Variants in SLC30A7 observed in about 807,000 individuals in gnomAD.
SLC30A7 encodes solute carrier family 30 member 7.
In SLC30A7, 35 loss-of-function variants were observed where a neutral mutation model predicts 46.0. That is an observed-to-expected ratio of 0.76 (90% confidence interval 0.58 to 1.01). SLC30A7 has a LOEUF of 1.01. Among genes scored for constraint, SLC30A7 ranks in the 50% least tolerant of loss-of-function variants. The pLI is 0.00. For missense variants in SLC30A7, 464 were observed against 451.1 expected, an observed-to-expected ratio of 1.03 and a Z score of -0.26; for synonymous variants, 147 against 157.8, an observed-to-expected ratio of 0.93 and a Z score of 0.51.
At chr1:100,949,522 T>C (rs1654843010) in intron 8 of SLC30A7, among the ~76,000 whole-genome samples, 1 of 152,168 alleles carries the variant, frequency 6.6e-6, no homozygotes, top group Admixed American at 6.5e-5. Context: ...AACACCATGC[T>C]AGGAGAACCA....
At chr1:100,959,159 T>A (rs1558004854) in intron 8 of SLC30A7, among the ~76,000 whole-genome samples, 1 of 152,118 alleles carries the variant, frequency 6.6e-6, no homozygotes, top group Non-Finnish European at 1.5e-5. Flanking sequence ...AGGGGCCAGA[T>A]CCAAAAATAT....
chr1:100,925,256 G>A (rs1653220264), intron 8 of SLC30A7, among the ~76,000 whole-genome samples: 1 of 152,268 alleles, frequency 6.6e-6, no homozygotes, highest in Non-Finnish European at 1.5e-5. Flanking sequence ...CAGCATGGCT[G>A]AAGCATAGGG....
intron 8 of SLC30A7, among the ~76,000 whole-genome samples, chr1:100,948,315 G>A (rs1654761626): frequency 6.6e-6 from 1 of 152,218 alleles, no homozygotes; most frequent in Non-Finnish European, 1.5e-5. Flanking sequence ...TAGTTTGGCT[G>A]GATATGAAAT....
At chr1:100,966,225 A>C (rs960003607) in intron 10 of SLC30A7, among the ~76,000 whole-genome samples, 6 of 136,974 alleles carry the variant, frequency 4.4e-5, no homozygotes, top group Non-Finnish European at 7.6e-5. Context: ...ACCCTGTCTC[A>C]AAAAAAAAAA....
rs1295831987 is a variant in SLC30A7, at chr1:100,978,606, T to C, written c.*3749T>C. The C allele has an allele frequency of 6.6e-6, 1 of 152,188 alleles. No homozygotes were observed. Among genetic ancestry groups the C allele is most frequent in the Non-Finnish European group, 1.5e-5 (1 of 68,034 alleles). The allele number at this position is 152,188 out of a possible 1,614,324, so 9.4% of individuals were successfully genotyped here. ...GCCAAAAAGATTCAGATCTTCTGAC[T>C]CGAAGTTGAGAGTTCTTTATACTCT... On this transcript the variant is annotated 3_prime_UTR_variant, in exon 11 of 11. Coordinates refer to ENST00000357650, the MANE Select transcript of SLC30A7 (RefSeq NM_133496.5).
intron 6 of SLC30A7, among the ~76,000 whole-genome samples, chr1:100,915,682 G>C (rs1652496885): frequency 6.6e-6 from 1 of 152,184 alleles, no homozygotes; most frequent in African/African-American, 2.4e-5. Flanking sequence ...TTCATCTGTT[G>C]ATGGACATTT....
At chr1:100,906,690 G>A (rs559708246) in intron 2 of SLC30A7, among the ~76,000 whole-genome samples, 162 bp from the exon 3 acceptor site, 1 of 152,232 alleles carries the variant, frequency 6.6e-6, no homozygotes, top group East Asian at 1.9e-4. Flanking sequence ...TTACTTTTTA[G>A]ATATTTAAAA....
chr1:100,916,375 C>G (rs1268608597), intron 6 of SLC30A7, among the ~76,000 whole-genome samples: 1 of 151,882 alleles, frequency 6.6e-6, no homozygotes, highest in Non-Finnish European at 1.5e-5. Context: ...TTAGTAGAGA[C>G]GAGGTTTCAC....
intron 8 of SLC30A7, among the ~76,000 whole-genome samples, chr1:100,960,811 A>AT (rs1655493212): frequency 6.6e-6 from 1 of 152,124 alleles, no homozygotes; most frequent in Non-Finnish European, 1.5e-5. Context: ...CTTTTTGGAC[A>AT]TTCCCTCAAA....
At chr1:100,995,091 T>C in the SLC30A7 span, 2 of 1,545,282 alleles carry the variant, frequency 1.3e-6, no homozygotes, top group Non-Finnish European at 8.9e-7. Context: ...ATGTATGCAT[T>C]CTCAGAATAA....
the SLC30A7 span, chr1:100,995,284 C>G: frequency 1.8e-6 from 1 of 551,876 alleles, no homozygotes; most frequent in Non-Finnish European, 3.2e-6. Flanking sequence ...CACTTTCTTA[C>G]AGTAACATAG....
At chr1:100,958,989 GA>G (rs1421039609) in intron 8 of SLC30A7, among the ~76,000 whole-genome samples, 1 of 152,202 alleles carries the variant, frequency 6.6e-6, no homozygotes, top group Non-Finnish European at 1.5e-5. Flanking sequence ...AAATTTTAAA[GA>G]AGGAGTGTAA....
At chr1:100,947,258 C>T (rs1403493302) in intron 8 of SLC30A7, among the ~76,000 whole-genome samples, 3 of 152,152 alleles carry the variant, frequency 2.0e-5, no homozygotes, top group Admixed American at 6.5e-5. Flanking sequence ...TACATTGTGT[C>T]GTTGTTTTCA....
At chr1:100,937,696 T>C (rs1231728010) in intron 8 of SLC30A7, among the ~76,000 whole-genome samples, 1 of 152,196 alleles carries the variant, frequency 6.6e-6, no homozygotes, top group African/African-American at 2.4e-5. Flanking sequence ...TCTTTATATA[T>C]TCTGGATATT....
At chr1:100,973,709 G>A (rs114577891) in intron 10 of SLC30A7, among the ~76,000 whole-genome samples, 5,248 of 152,138 alleles carry the variant, frequency 0.034, 119 homozygotes, top group Middle Eastern at 0.068. Context: ...AGTTTTCAGA[G>A]AGGAGGAAGA....
intron 8 of SLC30A7, among the ~76,000 whole-genome samples, chr1:100,951,816 A>G (rs1299512557): frequency 6.6e-6 from 1 of 152,238 alleles, no homozygotes; most frequent in Non-Finnish European, 1.5e-5. Context: ...AAGATGGCCA[A>G]GTCCTAATCC....
intron 8 of SLC30A7, among the ~76,000 whole-genome samples, chr1:100,957,729 G>GAA (rs78462610): frequency 2.0e-5 from 3 of 151,922 alleles, no homozygotes; most frequent in Non-Finnish European, 4.4e-5. Flanking sequence ...AGGTAGGTAG[G>GAA]AAAAAAACCT....
chr1:100,934,455 C>T (rs531579936), intron 8 of SLC30A7, among the ~76,000 whole-genome samples: 19 of 152,154 alleles, frequency 1.2e-4, no homozygotes, highest in South Asian at 8.3e-4. Flanking sequence ...ATATAGGACT[C>T]TCATCTTTTC....
chr1:100,926,240 C>T (rs144880597), intron 8 of SLC30A7, among the ~76,000 whole-genome samples: 122 of 152,162 alleles, frequency 8.0e-4, no homozygotes, highest in African/African-American at 2.9e-3. Context: ...TTTCTGATAA[C>T]CAAAGTAATA....
Sources: allele counts gnomAD v4.1 joint callset (sites outside exome capture counted in the v4.1 genomes callset), GRCh38; gene constraint gnomAD v4.1.1; transcripts MANE v1.5; gene names NCBI Gene and HGNC (gene_info 2026-07-23, HGNC 2026-07-21).